The following BCAS3 variants were observed in gnomAD, a reference collection of about 807,000 sequenced individuals.
BCAS3 encodes the protein BCAS4/BCAS3 fusion.
In BCAS3, 53 loss-of-function variants were observed where a neutral mutation model predicts 116.1. That is an observed-to-expected ratio of 0.46 (90% CI 0.37 to 0.57). BCAS3 has a LOEUF of 0.57. Ranked by LOEUF, BCAS3 falls within the 20% of genes least tolerant of loss-of-function variation. The probability of loss-of-function intolerance (pLI) is 0.00; values close to 1 mark genes in which losing one functional copy is unlikely to be tolerated. For synonymous variants in BCAS3, 391 were observed against 408.2 expected (o/e 0.96, Z 0.51); for missense variants, 917 against 1,165.4 (o/e 0.79, Z 3.10).
intron 15 of BCAS3, among the ~76,000 whole-genome samples, chr17:60,991,607 A>G (rs1471602983): frequency 6.6e-6 from 1 of 152,226 alleles, no homozygotes; most frequent in Non-Finnish European, 1.5e-5. Flanking sequence ...TGTGGTTACC[A>G]CAGAAAGTCA....
chr17:61,100,812 C>T (rs2074278598), intron 22 of BCAS3, among the ~76,000 whole-genome samples: 1 of 152,160 alleles, frequency 6.6e-6, no homozygotes, highest in Non-Finnish European at 1.5e-5. Context: ...CAACACGGCC[C>T]TGCATTATCC....
At position 61,229,430 on chromosome 17, in the gene BCAS3, A is replaced by G. The variant is rs1228583474; in HGVS notation, c.2426-138897A>G. ...GATCATTGATGAAGGTGGCTATGCT[A>G]AACAACAGATATCGATGTAGACAGA... is the stretch of plus-strand genomic sequence containing the variant. On this transcript the variant is annotated intron_variant, in intron 22 of 23. Coordinates refer to ENST00000407086, the MANE Select transcript of BCAS3 (RefSeq NM_017679.5). The surrounding 1 kb of genome is among the most constrained non-coding windows in gnomAD (Gnocchi z 4.4). 6.6e-6 allele frequency among the ~76,000 whole-genome samples: 1 copy of G among 152,252 alleles called. No individual in the cohort carries two copies. Among genetic ancestry groups the G allele is most frequent in the Non-Finnish European group, 1.5e-5 (1 of 68,038 alleles).
At chr17:61,011,664 A>G (rs1366597966) in intron 15 of BCAS3, among the ~76,000 whole-genome samples, 1 of 152,080 alleles carries the variant, frequency 6.6e-6, no homozygotes, top group Non-Finnish European at 1.5e-5. Flanking sequence ...CTAGTAAGAC[A>G]CTATCCTCAG....
At chr17:61,125,492 A>G (rs1205197365) in intron 22 of BCAS3, among the ~76,000 whole-genome samples, 3 of 152,194 alleles carry the variant, frequency 2.0e-5, no homozygotes, top group African/African-American at 7.2e-5. Flanking sequence ...GAAATAAGCT[A>G]TTTTAAATTC....
chr17:61,375,746 A>T (rs1352374834), intron 23 of BCAS3, among the ~76,000 whole-genome samples: 1 of 151,436 alleles, frequency 6.6e-6, no homozygotes, highest in Non-Finnish European at 1.5e-5. Flanking sequence ...CTAATTTTTG[A>T]ATTTTTAGTA....
In BCAS3 at chr17:61,215,001, T is replaced by C. The variant is rs1165453606; in HGVS notation, c.2425+130437T>C. ...CTATATACCTCTTACACCCACTAGATAGAACTAATCAGGATCTCTTTTGAT... is the reference window on the plus strand; with the variant it reads ...CTATATACCTCTTACACCCACTAGACAGAACTAATCAGGATCTCTTTTGAT... On this transcript the variant is annotated intron_variant, in intron 22 of 23. Transcript: ENST00000407086. This position sits in a 1 kb window ranked among gnomAD's most constrained non-coding sequence, Gnocchi z 4.8. 3.9e-5 allele frequency among the ~76,000 whole-genome samples: 6 copies of C among 152,188 alleles called. No individual in the cohort carries two copies. Among genetic ancestry groups the C allele is most frequent in the Admixed American group, 3.9e-4 (6 of 15,274 alleles).
chr17:60,692,393 C>CA (rs1386416150), intron 4 of BCAS3, among the ~76,000 whole-genome samples: 1 of 152,082 alleles, frequency 6.6e-6, no homozygotes, highest in Non-Finnish European at 1.5e-5. Context: ...AGGCACCCGC[C>CA]ACCATGCCCG....
intron 6 of BCAS3, among the ~76,000 whole-genome samples, chr17:60,791,037 C>T (rs1039590700): frequency 2.0e-5 from 3 of 151,948 alleles, no homozygotes; most frequent in South Asian, 4.1e-4. Context: ...CCACTGCACT[C>T]GGCCTTAGTT....
chr17:61,172,792 T>C (rs1601716459), intron 22 of BCAS3, among the ~76,000 whole-genome samples: 3 of 151,416 alleles, frequency 2.0e-5, no homozygotes, highest in Non-Finnish European at 2.9e-5. Context: ...GAGACAATCC[T>C]GGCTAACACG....
chr17:61,259,359 G>A lies in BCAS3; in HGVS notation c.2426-108968G>A, dbSNP rs144002049. ...GATAGTGACCCAGGGTTATGGTCAGGGTTCCAGTATGGTTTGTGCTTTTGT... is the reference window on the plus strand; with the variant it reads ...GATAGTGACCCAGGGTTATGGTCAGAGTTCCAGTATGGTTTGTGCTTTTGT... On this transcript the variant is annotated intron_variant, in intron 22 of 23. Transcript: ENST00000407086. The surrounding 1 kb of genome is among the most constrained non-coding windows in gnomAD (Gnocchi z 4.7). Among the ~76,000 whole-genome samples the A allele has an allele frequency of 6.6e-6, 1 of 152,130 alleles. No homozygotes were observed. The highest frequency in any genetic ancestry group is 1.5e-5 in the Non-Finnish European group (1 of 68,028).
chr17:60,796,974 C>T (rs992551539), intron 6 of BCAS3, among the ~76,000 whole-genome samples: 2 of 152,110 alleles, frequency 1.3e-5, no homozygotes, highest in Non-Finnish European at 2.9e-5. Flanking sequence ...GGCGTGATCT[C>T]GGCTCACTGC....
Position 61,180,882 on chromosome 17 carries a change from C to G in BCAS3, c.2425+96318C>G, listed in dbSNP as rs1410555303. 6.6e-6 allele frequency among the ~76,000 whole-genome samples: 1 copy of G among 152,036 alleles called. No individual in the cohort carries two copies. Among genetic ancestry groups the G allele is most frequent in the Non-Finnish European group, 1.5e-5 (1 of 68,006 alleles). On this transcript the variant is annotated intron_variant, in intron 22 of 23. Coordinates refer to ENST00000407086, the MANE Select transcript of BCAS3 (RefSeq NM_017679.5). This position sits in a 1 kb window ranked among gnomAD's most constrained non-coding sequence, Gnocchi z 6.0. ...GGTCTTATCTTTTGTCATTGCATCC[C>G]TAGTTAGAATAGTCCCTGATGGATT...
intron 23 of BCAS3, among the ~76,000 whole-genome samples, chr17:61,374,579 C>A (rs1314331723): frequency 6.6e-6 from 1 of 152,208 alleles, no homozygotes; most frequent in East Asian, 1.9e-4. Context: ...TTCTTCTTTA[C>A]AGTGACAGCA....
At chr17:61,067,320 T>TATATAC (rs2070780399) in intron 19 of BCAS3, among the ~76,000 whole-genome samples, 2 of 138,286 alleles carry the variant, frequency 1.4e-5, no homozygotes, top group African/African-American at 5.4e-5. Flanking sequence ...TATATATTTA[T>TATATAC]ACAGACTTGG....
intron 22 of BCAS3, among the ~76,000 whole-genome samples, chr17:61,269,015 C>T (rs2050003433): frequency 6.6e-6 from 1 of 151,916 alleles, no homozygotes; most frequent in Admixed American, 6.6e-5. Flanking sequence ...TCCATTTATC[C>T]ATCAGTGGAC....
At chr17:61,018,699 C>T (rs116096633) in intron 16 of BCAS3, among the ~76,000 whole-genome samples, 7 of 152,240 alleles carry the variant, frequency 4.6e-5, no homozygotes, top group African/African-American at 1.7e-4. Context: ...CTCCCTCTGC[C>T]TGCATATACA....
rs375948247 is a variant in BCAS3 at position 60,747,304 on chromosome 17, A to G, written c.403+25A>G. Reference sequence around the variant, plus strand: ...GGTGAGTGTAGTCCTTAAGAAAAGAATCTTTCAGAAAAGAGTTTCTCTTTT... The same window carrying G: ...GGTGAGTGTAGTCCTTAAGAAAAGAGTCTTTCAGAAAAGAGTTTCTCTTTT... On this transcript the variant is annotated intron_variant, in intron 6 of 23. Transcript: ENST00000407086. The G allele has an allele frequency of 1.2e-5, 18 of 1,558,032 alleles. No individual in the cohort carries two copies. The African/African-American group carries it at 1.9e-4, about 16-fold the overall frequency.
At chr17:61,137,104 C>T (rs1459255616) in intron 22 of BCAS3, among the ~76,000 whole-genome samples, 2 of 152,128 alleles carry the variant, frequency 1.3e-5, no homozygotes, top group Non-Finnish European at 2.9e-5. Context: ...ACCAGTGCAA[C>T]TGATTTTGTC....
intron 22 of BCAS3, among the ~76,000 whole-genome samples, chr17:61,245,807 A>G (rs1223927497): frequency 6.7e-6 from 1 of 148,854 alleles, no homozygotes. Flanking sequence ...TGTCTCATTG[A>G]AAGAAAAAAA....
Sources: allele counts gnomAD v4.1 joint callset (sites outside exome capture counted in the v4.1 genomes callset), GRCh38; gene constraint gnomAD v4.1.1; non-coding constraint Gnocchi (gnomAD v3.1); transcripts MANE v1.5; gene names NCBI Gene and HGNC (gene_info 2026-07-23, HGNC 2026-07-21).